SETD2: variants seen among roughly 807,000 people sequenced by gnomAD.
The protein encoded by SETD2 is histone-lysine N-methyltransferase SETD2.
Under a neutral mutation model 242.1 loss-of-function variants are expected in SETD2, and 31 were observed. The observed-to-expected ratio is 0.13, with a 90% CI of 0.10 to 0.17. SETD2 has a LOEUF of 0.17. SETD2 is among the 10% of genes least tolerant of loss of function. The pLI is 1.00. For synonymous variants in SETD2, 1,006 were observed against 1,066.5 expected (o/e 0.94, Z 1.11); for missense variants, 2,481 against 3,046.3 (o/e 0.81, Z 4.37).
intron 1 of SETD2, among the ~76,000 whole-genome samples, chr3:47,134,613 T>G (rs1045833163): frequency 6.6e-6 from 1 of 151,946 alleles, no homozygotes; most frequent in Non-Finnish European, 1.5e-5. Flanking sequence ...CACACAACCA[T>G]GCTGATGGAC....
chr3:47,073,651 G>A (rs2040924234), intron 12 of SETD2, among the ~76,000 whole-genome samples: 1 of 152,154 alleles, frequency 6.6e-6, no homozygotes, highest in South Asian at 2.1e-4. Context: ...GAAATGAAAG[G>A]TAACAAGATC....
intron 13 of SETD2, among the ~76,000 whole-genome samples, chr3:47,063,137 T>C (rs2040411098): frequency 6.6e-6 from 1 of 152,184 alleles, no homozygotes; most frequent in Non-Finnish European, 1.5e-5. Context: ...TTTCATATCT[T>C]ATGAATACTA....
rs1447738499 is a variant in SETD2, at chr3:47,121,483, T to C, written c.3153A>G (p.Ser1051=). ...SSESSNDESD[S]EDTDSDDSSI... ...TGCTATCATCCGAATCTGTATCTTC[T>C]GAATCACTTTCATCATTTGAACTTT... Residue 1051 remains serine (S), a synonymous_variant, in exon 3 of 21, where the codon TCA becomes TCG. Coordinates refer to ENST00000409792, the MANE Select transcript of SETD2 (RefSeq NM_014159.7). 1.2e-6 allele frequency: 2 copies of C among 1,613,952 alleles called. No individual in the cohort carries two copies. The highest frequency in any genetic ancestry group is 3.3e-5 in the Admixed American group (2 of 60,026).
At chr3:47,042,836 C>G in intron 16 of SETD2, 136 bp from the exon 17 acceptor site, 2 of 816,768 alleles carry the variant, frequency 2.4e-6, no homozygotes, top group Non-Finnish European at 3.9e-6. Context: ...AAGGTACAGT[C>G]TGGGAAATAA....
At chr3:47,133,776 C>G (rs1035010738) in intron 1 of SETD2, among the ~76,000 whole-genome samples, 3 of 152,164 alleles carry the variant, frequency 2.0e-5, no homozygotes, top group Non-Finnish European at 2.9e-5. Context: ...AGAGCCTCAG[C>G]TGGAAAAACA....
chr3:47,042,949 T>C (rs556388154), intron 16 of SETD2, among the ~76,000 whole-genome samples: 1 of 151,906 alleles, frequency 6.6e-6, no homozygotes, highest in Non-Finnish European at 1.5e-5. Flanking sequence ...TAGAGCAGCA[T>C]TTTTCAACTT....
At chr3:47,094,387 C>T (rs770911652) in intron 9 of SETD2, among the ~76,000 whole-genome samples, 1 of 152,184 alleles carries the variant, frequency 6.6e-6, no homozygotes, top group Non-Finnish European at 1.5e-5. Context: ...GTTTAGCAAT[C>T]AAGGGGTAAC....
rs532428002 is a variant in SETD2, at chr3:47,088,350, C to G, written c.5143-103G>C. ...AACCTTATCAATTATCAGGAAAACACAAATGAAGACCAAACTGGGAAAGTA... is the reference window on the plus strand; with the variant it reads ...AACCTTATCAATTATCAGGAAAACAGAAATGAAGACCAAACTGGGAAAGTA... On this transcript the variant is annotated intron_variant, in intron 9 of 20. Coordinates refer to ENST00000409792, the MANE Select transcript of SETD2 (RefSeq NM_014159.7). 5.4e-6 allele frequency: 6 copies of G among 1,117,836 alleles called. No individual in the cohort carries two copies. In the South Asian group the frequency reaches 9.2e-5, roughly 17 times the overall value. 69.2% of individuals were successfully genotyped at this position (1,117,836 alleles called of 1,614,324 possible).
In SETD2 at chr3:47,124,040, G is replaced by A. The variant is rs1398542713; in HGVS notation, c.596C>T (p.Ala199Val). The change falls in exon 3 of 21, where the codon GCC becomes GTC. Residue 199 changes from alanine to valine, a missense_variant. Physicochemically the swap from Ala to Val is moderately conservative, Grantham distance 64. Around this residue, in one of 17 missense-constraint regions of SETD2, gnomAD observed 334 missense variants for 374.5 expected, o/e 0.89. Transcript: ENST00000409792. ...TGGTGCTGGTGATGAGAGTGTTGTG[G>A]CTTGGGCAGGTGGAGGCGGTGGAGG... ...SPPPPPPPAQ[A>V]TTLSSPAPVT... The A allele has an allele frequency of 1.3e-6, 2 of 1,552,058 alleles. No homozygotes were observed. The highest frequency in any genetic ancestry group is 2.7e-5 in the African/African-American group (2 of 73,054).
intron 1 of SETD2, chr3:47,163,624 C>T (rs995780831): frequency 5.2e-5 from 12 of 231,888 alleles, no homozygotes; most frequent in African/African-American, 2.8e-4. Flanking sequence ...CCAACCGCCG[C>T]CGCGACACGA....
At chr3:47,124,602 T>C in intron 2 of SETD2, 54 bp from the exon 3 acceptor site, 2 of 1,407,954 alleles carry the variant, frequency 1.4e-6, no homozygotes, top group South Asian at 1.5e-5. Context: ...TACTTTCAAA[T>C]GGACTGCACA....
chr3:47,057,526 C>T, intron 14 of SETD2, 36 bp from the exon 15 acceptor site: 1 of 1,513,794 alleles, frequency 6.6e-7, no homozygotes. Flanking sequence ...AAGTTGCTCC[C>T]TAAATCATAG....
intron 16 of SETD2, among the ~76,000 whole-genome samples, chr3:47,043,685 T>C (rs1252890044): frequency 5.1e-4 from 77 of 152,196 alleles, no homozygotes; most frequent in Non-Finnish European, 2.9e-5. Context: ...TGTGTTCACT[T>C]TTAAGCAAAC....
At chr3:47,113,563 G>A (rs1300863513) in intron 5 of SETD2, among the ~76,000 whole-genome samples, 5 of 152,160 alleles carry the variant, frequency 3.3e-5, no homozygotes, top group African/African-American at 1.2e-4. Flanking sequence ...GCCCAGGCGC[G>A]ACGGCTCACA....
intron 5 of SETD2, among the ~76,000 whole-genome samples, chr3:47,111,110 A>AAAAAAAAAC (rs2042633313): frequency 6.8e-6 from 1 of 147,692 alleles, no homozygotes; most frequent in Non-Finnish European, 1.5e-5. Flanking sequence ...AAAAAAAAAA[A>AAAAAAAAAC]ATCTCAAGAA....
chr3:47,095,630 A>T (rs115835955), intron 9 of SETD2, among the ~76,000 whole-genome samples: 133 of 152,360 alleles, frequency 8.7e-4, no homozygotes, highest in Non-Finnish European at 1.3e-3. Context: ...ACTTCCATAG[A>T]TAAATCTTAA....
In SETD2 at chr3:47,116,758, T is replaced by C. The variant is rs1423023439; in HGVS notation, c.4455-4A>G. The C allele has an allele frequency of 2.5e-6, 4 of 1,577,364 alleles. No homozygotes were observed. Among genetic ancestry groups the C allele is most frequent in the Middle Eastern group, 1.7e-4 (1 of 5,946 alleles). On this transcript the variant is annotated splice_polypyrimidine_tract_variant and splice_region_variant and intron_variant, in intron 3 of 20. Coordinates refer to ENST00000409792, the MANE Select transcript of SETD2 (RefSeq NM_014159.7). ...TCGATGAGATTTATTCTTCTTTCTA[T>C]TGGGTAAAATTTCATAAAAACTGAT...
chr3:47,038,417 C>A (rs1051844406), intron 17 of SETD2, among the ~76,000 whole-genome samples: 1 of 152,214 alleles, frequency 6.6e-6, no homozygotes, highest in Middle Eastern at 3.4e-3. Flanking sequence ...AGTTCGAGAC[C>A]AGCCTGGCCA....
At chr3:47,022,267 G>A (rs962080684) in intron 18 of SETD2, among the ~76,000 whole-genome samples, 3 of 150,020 alleles carry the variant, frequency 2.0e-5, no homozygotes, top group African/African-American at 4.9e-5. Flanking sequence ...ACTCATGCCT[G>A]TAATCCCAGC....
Sources: allele counts gnomAD v4.1 joint callset (sites outside exome capture counted in the v4.1 genomes callset), GRCh38; gene constraint gnomAD v4.1.1; regional missense constraint gnomAD v4.1.1; transcripts MANE v1.5; gene names NCBI Gene and HGNC (gene_info 2026-07-23, HGNC 2026-07-21).